Variants in ANO2 observed in about 807,000 individuals in gnomAD.
The protein encoded by ANO2 is anoctamin 2.
A neutral mutation model predicts 124.2 loss-of-function variants in ANO2; 101 were observed. The observed-to-expected ratio is 0.81, with a 90% confidence interval of 0.69 to 0.96. The LOEUF is 0.96. Ranked by LOEUF, ANO2 falls within the 40% of genes least tolerant of loss-of-function variation. The pLI is 0.00. For missense variants in ANO2, 1,293 were observed against 1,274.5 expected (o/e 1.01, Z -0.22); for synonymous variants, 486 against 482.5 (o/e 1.01, Z -0.09).
intron 14 of ANO2, among the ~76,000 whole-genome samples, chr12:5,648,271 A>C (rs1946744743): frequency 6.6e-6 from 1 of 152,214 alleles, no homozygotes; most frequent in Admixed American, 6.5e-5. Context: ...AGCATCCTAT[A>C]AATAGATTAT....
chr12:5,930,505 G>T (rs1053197884), intron 1 of ANO2, among the ~76,000 whole-genome samples: 2 of 152,172 alleles, frequency 1.3e-5, no homozygotes, highest in Non-Finnish European at 2.9e-5. Context: ...TGACAATTTG[G>T]TCTTCATCCT....
chr12:5,799,065 C>T (rs1952957884), intron 10 of ANO2, among the ~76,000 whole-genome samples: 1 of 152,242 alleles, frequency 6.6e-6, no homozygotes, highest in Non-Finnish European at 1.5e-5. Context: ...CATAAAAAGT[C>T]CACATTCTGT....
intron 15 of ANO2, among the ~76,000 whole-genome samples, chr12:5,642,367 G>A (rs1361514759): frequency 6.6e-6 from 1 of 152,164 alleles, no homozygotes; most frequent in African/African-American, 2.4e-5. Context: ...TATGCATCAG[G>A]AGGGCAACTG....
At chr12:5,868,180 T>A (rs1048299557) in intron 3 of ANO2, among the ~76,000 whole-genome samples, 1 of 152,152 alleles carries the variant, frequency 6.6e-6, no homozygotes, top group African/African-American at 2.4e-5. Flanking sequence ...ACACCATTAA[T>A]ATATACATGT....
chr12:5,861,443 C>T (rs1488243880), intron 3 of ANO2, among the ~76,000 whole-genome samples: 2 of 152,174 alleles, frequency 1.3e-5, no homozygotes, highest in Non-Finnish European at 2.9e-5. Context: ...TTGTTTTTGT[C>T]TTGTTGTTGT....
intron 3 of ANO2, among the ~76,000 whole-genome samples, chr12:5,868,125 A>G (rs1955479370): frequency 6.6e-6 from 1 of 152,234 alleles, no homozygotes; most frequent in South Asian, 2.1e-4. Context: ...ATTGTCCACA[A>G]TGTGATTATT....
chr12:5,661,311 C>A (rs1947428472), intron 14 of ANO2, among the ~76,000 whole-genome samples: 1 of 152,196 alleles, frequency 6.6e-6, no homozygotes, highest in South Asian at 2.1e-4. Context: ...GAGAACGGAA[C>A]CTTAGAGCAT....
At chr12:5,887,422 G>A (rs73047609) in intron 3 of ANO2, among the ~76,000 whole-genome samples, 11,900 of 152,238 alleles carry the variant, frequency 0.078, 931 homozygotes, top group African/African-American at 0.2. Flanking sequence ...CAGCCCTGGG[G>A]ATAAACCACT....
At chr12:5,673,285 G>A (rs1036662797) in intron 14 of ANO2, among the ~76,000 whole-genome samples, 1 of 152,204 alleles carries the variant, frequency 6.6e-6, no homozygotes, top group African/African-American at 2.4e-5. Flanking sequence ...CTAGCTCAGT[G>A]CAGAACCAGA....
chr12:5,576,480 A>G (rs888776936), intron 22 of ANO2, among the ~76,000 whole-genome samples: 1 of 152,356 alleles, frequency 6.6e-6, no homozygotes, highest in Admixed American at 6.5e-5. Context: ...ATATGATTCC[A>G]CAGTTTGCTT....
chr12:5,698,607 A>C (rs1293690239), intron 14 of ANO2, among the ~76,000 whole-genome samples: 1 of 152,220 alleles, frequency 6.6e-6, no homozygotes, highest in African/African-American at 2.4e-5. Flanking sequence ...AATGACTTTG[A>C]CGAGTTGAGA....
At chr12:5,578,155 T>A in intron 21 of ANO2, 148 bp from the exon 22 acceptor site, 1 of 1,242,992 alleles carries the variant, frequency 8.0e-7, no homozygotes, top group Non-Finnish European at 1.1e-6. Context: ...AAGGCTTAGG[T>A]AGCCCCCCCA....
intron 16 of ANO2, among the ~76,000 whole-genome samples, chr12:5,621,018 A>C (rs1945091470): frequency 6.6e-6 from 1 of 152,074 alleles, no homozygotes; most frequent in South Asian, 2.1e-4. Context: ...CTTTGGCCTG[A>C]TTCTCATTCC....
chr12:5,852,664 T>C (rs1274898265), intron 4 of ANO2, among the ~76,000 whole-genome samples: 1 of 152,136 alleles, frequency 6.6e-6, no homozygotes, highest in Non-Finnish European at 1.5e-5. Flanking sequence ...TTGCTGACTA[T>C]AATGATAGCA....
At chr12:5,611,480 G>C (rs1238613088) in intron 19 of ANO2, among the ~76,000 whole-genome samples, 1 of 152,154 alleles carries the variant, frequency 6.6e-6, no homozygotes, top group Non-Finnish European at 1.5e-5. Context: ...GATAGAGGCA[G>C]TGGTGTCCCC....
intron 10 of ANO2, among the ~76,000 whole-genome samples, chr12:5,774,116 G>T (rs1952160791): frequency 6.6e-6 from 1 of 152,126 alleles, no homozygotes; most frequent in Admixed American, 6.5e-5. Flanking sequence ...GTGTGGGCAT[G>T]GCAGAAAAAA....
intron 7 of ANO2, among the ~76,000 whole-genome samples, chr12:5,809,968 T>A (rs1407526922): frequency 6.6e-6 from 1 of 152,222 alleles, no homozygotes; most frequent in African/African-American, 2.4e-5. Flanking sequence ...AAGAAACTTT[T>A]ACACTCCAGC....
At chr12:5,915,219 G>A (rs552593255) in intron 3 of ANO2, among the ~76,000 whole-genome samples, 10 of 152,116 alleles carry the variant, frequency 6.6e-5, no homozygotes, top group South Asian at 4.2e-4. Context: ...CTAATCAAAC[G>A]GTCAAACTAA....
chr12:5,716,497 C>T (rs920044695), intron 14 of ANO2, among the ~76,000 whole-genome samples: 3 of 152,146 alleles, frequency 2.0e-5, no homozygotes, highest in Non-Finnish European at 4.4e-5. Flanking sequence ...AGGATTAATT[C>T]ATTCATGTTT....
Sources: allele counts gnomAD v4.1 joint callset (sites outside exome capture counted in the v4.1 genomes callset), GRCh38; gene constraint gnomAD v4.1.1; transcripts MANE v1.5; gene names NCBI Gene and HGNC (gene_info 2026-07-23, HGNC 2026-07-21).